GNA12: variants seen among roughly 807,000 people sequenced by gnomAD.
GNA12 encodes guanine nucleotide-binding protein subunit alpha-12.
In GNA12, 9 loss-of-function variants were observed where a neutral mutation model predicts 26.0. The observed-to-expected ratio is 0.35, with a 90% confidence interval of 0.21 to 0.60. The LOEUF (loss-of-function observed/expected upper bound fraction) is 0.60, where lower values mean the gene tolerates loss of function less well. GNA12 is among the 20% of genes least tolerant of loss of function. The pLI, the probability that GNA12 is intolerant of heterozygous loss-of-function variation, is 0.78. For synonymous variants in GNA12, 264 were observed against 219.6 expected, an observed-to-expected ratio of 1.20 and a Z score of -1.79; for missense variants, 405 against 525.8, an observed-to-expected ratio of 0.77 and a Z score of 2.25.
At chr7:2,817,728 G>T (rs1406138000) in intron 1 of GNA12, among the ~76,000 whole-genome samples, 1 of 152,230 alleles carries the variant, frequency 6.6e-6, no homozygotes, top group African/African-American at 2.4e-5. Context: ...GGTCACTCAG[G>T]ATTCTGGTCT....
intron 2 of GNA12, among the ~76,000 whole-genome samples, chr7:2,752,561 A>T (rs1264586536): frequency 1.3e-5 from 2 of 152,208 alleles, no homozygotes; most frequent in Admixed American, 1.3e-4. Flanking sequence ...AGGAAGCTAT[A>T]AAAAAGCTAG....
intron 1 of GNA12, among the ~76,000 whole-genome samples, chr7:2,818,982 G>A (rs752561331): frequency 3.9e-5 from 6 of 152,210 alleles, no homozygotes; most frequent in Non-Finnish European, 7.3e-5. Context: ...GGGAACCTAG[G>A]TGAAAGGTCT....
intron 1 of GNA12, 105 bp downstream of exon 1, chr7:2,843,748 C>T: frequency 2.0e-6 from 1 of 510,424 alleles, no homozygotes; most frequent in South Asian, 3.2e-5. Flanking sequence ...AGCATCCTCG[C>T]CCCAGGGGTC....
chr7:2,758,814 G>T (rs1024826649), intron 2 of GNA12, among the ~76,000 whole-genome samples: 2 of 152,222 alleles, frequency 1.3e-5, no homozygotes, highest in African/African-American at 4.8e-5. Context: ...CACCACAGAA[G>T]AATGGATATG....
intron 1 of GNA12, among the ~76,000 whole-genome samples, chr7:2,833,856 A>ACAGCCTTTAAG (rs1778753437): frequency 6.6e-6 from 1 of 152,200 alleles, no homozygotes; most frequent in South Asian, 2.1e-4. Context: ...AAAGGCCAGA[A>ACAGCCTTTAAG]CAGCAGAGGA....
intron 1 of GNA12, among the ~76,000 whole-genome samples, chr7:2,824,558 C>T (rs1283856598): frequency 6.6e-6 from 1 of 152,178 alleles, no homozygotes; most frequent in Non-Finnish European, 1.5e-5. Context: ...CCCTGTGGAT[C>T]GTCTGTTTCC....
rs1172279836 is a variant in GNA12, at chr7:2,844,117, G to C, written c.45C>G (p.Ala15=). ...TGCGCTCGCGGGCCCCGCCGGCCTC[G>C]GCCGGCAGCAGGCAGCGGCTGAGGG... ...VRTLSRCLLP[A]EAGGARERRA... is the part of the protein sequence containing the mutation. The change falls in exon 1 of 4, where the codon GCC becomes GCG. Residue 15 remains alanine, a synonymous_variant. Transcript: ENST00000275364. 40 of 989,826 alleles carry C rather than the reference G, an allele frequency of 4.0e-5. No homozygotes were observed. Among genetic ancestry groups the C allele is most frequent in the Non-Finnish European group, 3.8e-5 (32 of 834,934 alleles). 61.3% of individuals were successfully genotyped at this position (989,826 alleles called of 1,614,324 possible).
chr7:2,823,597 A>G (rs1342457383), intron 1 of GNA12, among the ~76,000 whole-genome samples: 1 of 152,264 alleles, frequency 6.6e-6, no homozygotes. Context: ...AATTCGTTCA[A>G]TAAGCACTTA....
chr7:2,751,665 T>A (rs1758728735), intron 2 of GNA12, among the ~76,000 whole-genome samples: 1 of 152,164 alleles, frequency 6.6e-6, no homozygotes, highest in South Asian at 2.1e-4. Flanking sequence ...ATCTCCAGTA[T>A]CAGGAATGAA....
intron 1 of GNA12, among the ~76,000 whole-genome samples, chr7:2,841,809 G>T (rs1018290954): frequency 6.6e-6 from 1 of 152,124 alleles, no homozygotes; most frequent in South Asian, 2.1e-4. Flanking sequence ...AAATGTACCC[G>T]ATAGGTTTCT....
chr7:2,839,055 C>T (rs951883874), intron 1 of GNA12, among the ~76,000 whole-genome samples: 4 of 152,190 alleles, frequency 2.6e-5, no homozygotes, highest in Non-Finnish European at 2.9e-5. Context: ...CGAGCATACG[C>T]GTTTATCATG....
chr7:2,739,121 C>A (rs73049305), intron 2 of GNA12, among the ~76,000 whole-genome samples: 2 of 152,204 alleles, frequency 1.3e-5, no homozygotes, highest in East Asian at 1.9e-4. Context: ...CCACGCCGGG[C>A]CCCTAAAGCA....
chr7:2,805,973 C>A (rs761241186), intron 1 of GNA12, among the ~76,000 whole-genome samples: 5 of 152,116 alleles, frequency 3.3e-5, no homozygotes, highest in African/African-American at 1.2e-4. Context: ...AAAAAGAACA[C>A]GTAAACTTCT....
At chr7:2,833,294 C>T (rs1778736354) in intron 1 of GNA12, among the ~76,000 whole-genome samples, 1 of 152,134 alleles carries the variant, frequency 6.6e-6, no homozygotes. Context: ...TGAACATCAC[C>T]CTATAATTAC....
At chr7:2,780,051 C>CATACATAT (rs1554259630) in intron 2 of GNA12, among the ~76,000 whole-genome samples, 10 of 62,204 alleles carry the variant, frequency 1.6e-4, no homozygotes, top group African/African-American at 4.6e-4. Flanking sequence ...TTTCTGTGTA[C>CATACATAT]ATATATATAT....
intron 1 of GNA12, among the ~76,000 whole-genome samples, chr7:2,836,641 A>C (rs1383326251): frequency 2.0e-5 from 3 of 152,168 alleles, no homozygotes; most frequent in Non-Finnish European, 2.9e-5. Context: ...TAACAAGAGA[A>C]GGCCAGGTGC....
intron 2 of GNA12, among the ~76,000 whole-genome samples, chr7:2,747,424 A>C (rs1790820190): frequency 6.6e-6 from 1 of 152,244 alleles, no homozygotes; most frequent in Admixed American, 6.5e-5. Context: ...CAAAAACCAC[A>C]TGACTATCTC....
At chr7:2,741,067 A>G (rs998702782) in intron 2 of GNA12, among the ~76,000 whole-genome samples, 80 of 152,148 alleles carry the variant, frequency 5.3e-4, no homozygotes, top group Middle Eastern at 6.8e-3. Flanking sequence ...CAAACAAACA[A>G]ACAAATAATC....
chr7:2,799,680 A>C (rs77730120), intron 1 of GNA12, among the ~76,000 whole-genome samples: 1 of 152,102 alleles, frequency 6.6e-6, no homozygotes, highest in Non-Finnish European at 1.5e-5. Context: ...GAAAAAAAAA[A>C]TTTTTTAAAG....
Sources: gnomAD v4.1 joint callset for allele counts (sites outside exome capture counted in the v4.1 genomes callset) on GRCh38, gnomAD v4.1.1 for gene constraint, MANE v1.5 for transcripts, NCBI Gene and HGNC (gene_info 2026-07-23, HGNC 2026-07-21) for gene names.